Variants in NADK2 observed in about 807,000 individuals in gnomAD.
The protein encoded by NADK2 is NAD kinase domain-containing protein 1, mitochondrial.
A neutral mutation model predicts 62.1 loss-of-function variants in NADK2; 35 were observed. The ratio of observed to expected loss-of-function variants is 0.56; its 90% CI spans 0.43 to 0.75. The LOEUF (loss-of-function observed/expected upper bound fraction) is 0.75. NADK2 is among the 30% of genes least tolerant of loss of function. The pLI is 0.00. For missense variants in NADK2, 439 were observed against 561.3 expected, an observed-to-expected ratio of 0.78 and a Z score of 2.20; for synonymous variants, 205 against 207.9, an observed-to-expected ratio of 0.99 and a Z score of 0.12.
intron 4 of NADK2, 22 bp downstream of exon 4, chr5:36,225,520 A>G: frequency 6.3e-7 from 1 of 1,597,666 alleles, no homozygotes; most frequent in East Asian, 2.2e-5. Context: ...AAATCAAACA[A>G]AATGTATACG....
intron 7 of NADK2, chr5:36,208,541 A>T: frequency 1.1e-6 from 1 of 951,366 alleles, no homozygotes; most frequent in Non-Finnish European, 1.6e-6. Context: ...TGTCATTCTC[A>T]CATGCAAGAT....
intron 1 of NADK2, among the ~76,000 whole-genome samples, chr5:36,239,665 C>T (rs1049409085): frequency 2.6e-5 from 4 of 151,744 alleles, no homozygotes; most frequent in Admixed American, 6.6e-5. Context: ...TTCAGAGGTC[C>T]AAGAGTTAAT....
At chr5:36,234,157 G>A (rs62356070) in intron 1 of NADK2, among the ~76,000 whole-genome samples, 6,759 of 151,644 alleles carry the variant, frequency 0.045, 219 homozygotes, top group Non-Finnish European at 0.066. Context: ...GGCGGATCAC[G>A]AGGTCAGGAG....
At chr5:36,202,995 C>T (rs1350083117) in intron 8 of NADK2, among the ~76,000 whole-genome samples, 2 of 151,938 alleles carry the variant, frequency 1.3e-5, no homozygotes, top group African/African-American at 2.4e-5. Flanking sequence ...TTAAAGAATT[C>T]CATACAAGAA....
Position 36,200,239 on chromosome 5 carries a change from A to G in NADK2, c.1054T>C (p.Leu352=). Residue 352 remains leucine (L), a synonymous_variant, in exon 10 of 12, where the codon TTG becomes CTG. Transcript: ENST00000381937. ...ATTTGTCACTGACCTTTCTCTACCAATTCTCTGTTCAATGGAAGACTCAAA... is the reference window on the plus strand; with the variant it reads ...ATTTGTCACTGACCTTTCTCTACCAGTTCTCTGTTCAATGGAAGACTCAAA... The part of the protein sequence containing the change: ...GNLSLPLNRE[L]VEKVTNEYNE... 1 of 1,582,560 alleles carries G rather than the reference A, an allele frequency of 6.3e-7. No homozygotes were observed. The highest frequency in any genetic ancestry group is 8.6e-7 in the Non-Finnish European group (1 of 1,164,052).
chr5:36,227,492 ATATGT>A lies in NADK2; in HGVS notation c.369_373del (p.Glu123AspfsTer4). 1 of 1,534,678 alleles carries A rather than the reference ATATGT, an allele frequency of 6.5e-7. No individual in the cohort carries two copies. The highest frequency in any genetic ancestry group is 8.8e-7 in the Non-Finnish European group (1 of 1,138,826). The stretch of plus-strand genomic sequence containing the variant: ...ATAGACTTACCGTAAACTATCTATA[ATATGT>A]TCTACATTTTTGGTGTGAATATGAT... On this transcript the variant is annotated frameshift_variant, in exon 2 of 12. Transcript: ENST00000381937. LOFTEE classifies it high-confidence loss of function.
intron 6 of NADK2, among the ~76,000 whole-genome samples, chr5:36,217,023 G>A (rs973939990): frequency 6.6e-6 from 1 of 152,022 alleles, no homozygotes; most frequent in Middle Eastern, 3.4e-3. Context: ...AAAAACTCTG[G>A]AATAAGGGGA....
rs562434546 is a variant in NADK2 at position 36,198,483 on chromosome 5, A to G, written c.1067-819T>C. Reference sequence around the variant, plus strand: ...CTGTAACAGTGATTGCATCACTGGCATTCACTGTTGCTTCTGAAGATAGTC... The same window carrying G: ...CTGTAACAGTGATTGCATCACTGGCGTTCACTGTTGCTTCTGAAGATAGTC... On this transcript the variant is annotated intron_variant, in intron 10 of 11. Coordinates refer to ENST00000381937, the MANE Select transcript of NADK2 (RefSeq NM_001085411.3). Among the ~76,000 whole-genome samples, 3 of 151,732 alleles carry G rather than the reference A, an allele frequency of 2.0e-5. No homozygotes were observed. The South Asian group carries it at 6.2e-4, about 31-fold the overall frequency.
intron 4 of NADK2, among the ~76,000 whole-genome samples, chr5:36,220,102 C>T (rs1747209179): frequency 6.6e-6 from 1 of 152,168 alleles, no homozygotes; most frequent in South Asian, 2.1e-4. Context: ...GCTTCCTCAT[C>T]TCCAAAATCA....
rs750406579 is a variant in NADK2, at chr5:36,219,592, C to G, written c.644+4G>C. On this transcript the variant is annotated splice_donor_region_variant and intron_variant, in intron 5 of 11. Transcript: ENST00000381937. ...ACATAAGAACAACCGTAAGAAATTC[C>G]TACCTGAACTCACCACGATAGAACT... is the stretch of plus-strand genomic sequence containing the variant. 1.2e-5 allele frequency: 19 copies of G among 1,611,050 alleles called. No homozygotes were observed. Among genetic ancestry groups the G allele is most frequent in the Non-Finnish European group, 1.7e-6 (2 of 1,177,764 alleles).
intron 1 of NADK2, among the ~76,000 whole-genome samples, chr5:36,231,378 C>T (rs915635656): frequency 5.3e-5 from 8 of 152,194 alleles, no homozygotes; most frequent in Non-Finnish European, 8.8e-5. Flanking sequence ...GCAGAAATGT[C>T]AGTTCATAAA....
At chr5:36,209,939 T>G (rs1017445248) in intron 7 of NADK2, among the ~76,000 whole-genome samples, 2 of 152,168 alleles carry the variant, frequency 1.3e-5, no homozygotes, top group African/African-American at 4.8e-5. Context: ...GAATCAAACT[T>G]CAACTCTTTT....
Position 36,241,339 on chromosome 5 carries a change from C to T in NADK2, c.300+160G>A. ...ACACACGCCCAAAGGCAAAGGAGGC[C>T]CAGGGAGAAGCCAGAGGACCTGGGG... On this transcript the variant is annotated intron_variant, in intron 1 of 11. Coordinates refer to ENST00000381937, the MANE Select transcript of NADK2 (RefSeq NM_001085411.3). This position sits in a 1 kb window ranked among gnomAD's most constrained non-coding sequence, Gnocchi z 4.9. 7.6e-7 allele frequency: 1 copy of T among 1,308,800 alleles called. No homozygotes were observed. The highest frequency in any genetic ancestry group is 9.8e-7 in the Non-Finnish European group (1 of 1,019,724). The allele number at this position is 1,308,800 out of a possible 1,614,324, so 81.1% of individuals were successfully genotyped here.
chr5:36,231,027 C>T (rs955297618), intron 1 of NADK2, among the ~76,000 whole-genome samples: 4 of 152,170 alleles, frequency 2.6e-5, no homozygotes, highest in African/African-American at 9.7e-5. Context: ...AGGATTTTTA[C>T]CTTATGTTCC....
chr5:36,203,101 T>C (rs1282903320), intron 8 of NADK2, among the ~76,000 whole-genome samples: 2 of 152,220 alleles, frequency 1.3e-5, no homozygotes, highest in African/African-American at 2.4e-5. Context: ...GGTTTACAGA[T>C]AGGTTTAAAA....
chr5:36,210,458 A>G (rs1213514145), intron 7 of NADK2, among the ~76,000 whole-genome samples: 2 of 152,090 alleles, frequency 1.3e-5, no homozygotes, highest in Non-Finnish European at 2.9e-5. Context: ...TGAACTGTCA[A>G]TGCACTTGCC....
In NADK2 at chr5:36,207,170, C is replaced by T; in HGVS notation, c.956G>A (p.Trp319Ter). The change falls in exon 8 of 12, where the codon TGG (tryptophan) becomes TAG (stop). Residue 319 changes from tryptophan to a stop codon, truncating the protein, a stop_gained and splice_region_variant. Coordinates refer to ENST00000381937, the MANE Select transcript of NADK2 (RefSeq NM_001085411.3). LOFTEE classifies it high-confidence loss of function. ...NLCTGTGSKA[W>*]SFNINRVATQ... ...ATAAGCAACATCCCAAGTTACTCAC[C>T]AGGCCTTTGATCCTGTTCCAGTACA... 1 of 1,610,304 alleles carries T rather than the reference C, an allele frequency of 6.2e-7. No individual in the cohort carries two copies. The highest frequency in any genetic ancestry group is 8.5e-7 in the Non-Finnish European group (1 of 1,177,470).
In NADK2 at chr5:36,205,192, G is replaced by A. The variant is rs1390099540; in HGVS notation, c.956+1978C>T. Among the ~76,000 whole-genome samples, 6 of 152,048 alleles carry A rather than the reference G, an allele frequency of 3.9e-5. No homozygotes were observed. Among genetic ancestry groups the A allele is most frequent in the South Asian group, 2.1e-4 (1 of 4,832 alleles). On this transcript the variant is annotated intron_variant, in intron 8 of 11. Transcript: ENST00000381937. This position sits in a 1 kb window ranked among gnomAD's most constrained non-coding sequence, Gnocchi z 4.1. Reference sequence around the variant, plus strand: ...AGTTGCTTTAACTAGCTGGGTACTAGCATATTAGATAACTAATAATGTAAT... The same window carrying A: ...AGTTGCTTTAACTAGCTGGGTACTAACATATTAGATAACTAATAATGTAAT...
At chr5:36,214,895 T>C (rs568821371) in intron 6 of NADK2, among the ~76,000 whole-genome samples, 10 of 152,280 alleles carry the variant, frequency 6.6e-5, no homozygotes, top group African/African-American at 1.9e-4. Context: ...TCTGGGGTTG[T>C]TTATTAAACC....
Sources: gnomAD v4.1 joint callset for allele counts (sites outside exome capture counted in the v4.1 genomes callset) on GRCh38, gnomAD v4.1.1 for gene constraint, Gnocchi (gnomAD v3.1) non-coding constraint, MANE v1.5 for transcripts, NCBI Gene and HGNC (gene_info 2026-07-23, HGNC 2026-07-21) for gene names.